NEB: variants seen among roughly 807,000 people sequenced by gnomAD.
NEB encodes the protein nemaline myopathy type 2.
In NEB, 512 loss-of-function variants were observed where a neutral mutation model predicts 952.2. That is an observed-to-expected ratio of 0.54 (90% CI 0.50 to 0.58). The LOEUF (loss-of-function observed/expected upper bound fraction) is 0.58, where lower values mean the gene tolerates loss of function less well. NEB is among the 20% of genes least tolerant of loss of function. NEB has a pLI of 0.00. For synonymous variants in NEB, 2,900 were observed against 3,149.8 expected, an observed-to-expected ratio of 0.92 and a Z score of 2.66; for missense variants, 8,428 against 9,231.1, an observed-to-expected ratio of 0.91 and a Z score of 3.56.
In NEB at chr2:151,662,115, T is replaced by C. The variant is rs776594566; in HGVS notation, c.5970+20A>G. The C allele has an allele frequency of 1.3e-5, 20 of 1,591,360 alleles. No homozygotes were observed. In the Admixed American group the frequency reaches 1.7e-4, roughly 13 times the overall value. On this transcript the variant is annotated intron_variant, in intron 46 of 181. Transcript: ENST00000397345. ...ATTCTCTCTGATGCATATGAAACAC[T>C]GCATTATTGAAAGACTTACTTCGTT...
At chr2:151,664,318 C>T (rs891864651) in intron 44 of NEB, among the ~76,000 whole-genome samples, 183 bp downstream of exon 44, 2 of 152,212 alleles carry the variant, frequency 1.3e-5, no homozygotes, top group Non-Finnish European at 1.5e-5. Context: ...TCACTACTTA[C>T]ATTAAATAAT....
chr2:151,563,982 A>ACCAC, intron 117 of NEB, 52 bp from the exon 118 acceptor site: 1 of 1,313,672 alleles, frequency 7.6e-7, no homozygotes, highest in African/African-American at 1.5e-5. Flanking sequence ...CTTCTTTCAG[A>ACCAC]TACCACTAAA....
chr2:151,641,182 T>C (rs2098842096), intron 60 of NEB, among the ~76,000 whole-genome samples: 2 of 152,246 alleles, frequency 1.3e-5, no homozygotes. Context: ...GATGTAATTC[T>C]GCCACTAAAA....
At chr2:151,576,518 T>TA (rs2096865322) in intron 105 of NEB, among the ~76,000 whole-genome samples, 164 bp from the exon 106 acceptor site, 15 of 18,178 alleles carry the variant, frequency 8.3e-4, no homozygotes, top group Non-Finnish European at 1.1e-3. Context: ...ATATATATAT[T>TA]TTTTTTTTTT....
intron 128 of NEB, among the ~76,000 whole-genome samples, chr2:151,552,424 G>A (rs958804939): frequency 6.6e-6 from 1 of 152,250 alleles, no homozygotes; most frequent in South Asian, 2.1e-4. Flanking sequence ...AAACACGTTG[G>A]AAGTGCTAAG....
Position 151,614,336 on chromosome 2 carries a change from G to A in NEB, c.11541C>T (p.Thr3847=), listed in dbSNP as rs758901873. The A allele has an allele frequency of 1.6e-5, 26 of 1,613,910 alleles. No homozygotes were observed. The Admixed American group carries it at 4.0e-4, about 25-fold the overall frequency. ...IDYKHPLHEW[T]CLPDQNDVIQ... ...TGACGTCATTCTGATCAGGCAGGCA[G>A]GTCCATTCATGCAGGGGATGCTTGT... The change falls in exon 77 of 182, where the codon ACC becomes ACT. Residue 3847 remains threonine (T), a synonymous_variant. Transcript: ENST00000397345.
intron 153 of NEB, among the ~76,000 whole-genome samples, chr2:151,521,313 G>A (rs150601326): frequency 9.8e-4 from 149 of 152,312 alleles, no homozygotes; most frequent in African/African-American, 3.5e-3. Context: ...GAACAGTTCA[G>A]CATGATGCAG....
chr2:151,695,440 G>T, intron 18 of NEB, 138 bp downstream of exon 18: 1 of 677,086 alleles, frequency 1.5e-6, no homozygotes, highest in Non-Finnish European at 2.6e-6. Context: ...ACTGGCAGAG[G>T]CATAGCAACA....
intron 67 of NEB, 22 bp from the exon 68 acceptor site, chr2:151,629,668 G>A (rs2098617976): frequency 1.3e-6 from 2 of 1,591,076 alleles, no homozygotes; most frequent in Non-Finnish European, 8.6e-7. Context: ...AAGGCAAAGA[G>A]TTAAAGCAAA....
Position 151,614,422 on chromosome 2 carries a change from C to G in NEB, c.11455G>C (p.Val3819Leu). The G allele has an allele frequency of 6.2e-7, 1 of 1,613,920 alleles. No homozygotes were observed. Among genetic ancestry groups the G allele is most frequent in the Non-Finnish European group, 8.5e-7 (1 of 1,179,860 alleles). Residue 3819 changes from valine to leucine, a missense_variant, in exon 77 of 182, where the codon GTG becomes CTG. By Grantham distance (32) the Val-to-Leu change is conservative. Around this residue, in one of 11 missense-constraint regions of NEB, gnomAD observed 1,772 missense variants for 1,960.3 expected, o/e 0.90. Transcript: ENST00000397345. ...EKWKTKFSSP[V>L]DMLGVVLAKK... ...GCCAGCACCACCCCCAGCATGTCCA[C>G]TGGGCTGCTGAACTTGGTCTTCCAC...
chr2:151,619,398 G>C, intron 73 of NEB, 53 bp downstream of exon 73: 3 of 1,508,116 alleles, frequency 2.0e-6, no homozygotes, highest in Non-Finnish European at 2.7e-6. Flanking sequence ...AGAACTCACA[G>C]ACACGTTTCA....
chr2:151,679,226 A>C (rs2148562180), intron 32 of NEB, among the ~76,000 whole-genome samples: 1 of 152,362 alleles, frequency 6.6e-6, no homozygotes, highest in Middle Eastern at 3.4e-3. Context: ...ATCTTGGTTA[A>C]AGATAAATAG....
chr2:151,514,281 G>A (rs372680599), intron 159 of NEB, 37 bp downstream of exon 159: 3 of 1,394,966 alleles, frequency 2.2e-6, no homozygotes, highest in Non-Finnish European at 3.1e-6. Context: ...AAATGATGCT[G>A]TATGAATTAC....
intron 23 of NEB, among the ~76,000 whole-genome samples, chr2:151,691,241 C>T (rs930340496): frequency 6.6e-6 from 1 of 152,130 alleles, no homozygotes; most frequent in African/African-American, 2.4e-5. Flanking sequence ...TCCTTAAATG[C>T]TGAGCTTGTT....
At chr2:151,632,141 A>T (rs954578705) in intron 65 of NEB, among the ~76,000 whole-genome samples, 5 of 151,810 alleles carry the variant, frequency 3.3e-5, no homozygotes, top group African/African-American at 9.7e-5. Flanking sequence ...ATATTGCCAT[A>T]TTTTTCTCAC....
chr2:151,574,656 T>A (rs947579576), intron 107 of NEB, among the ~76,000 whole-genome samples: 5 of 152,192 alleles, frequency 3.3e-5, no homozygotes, highest in African/African-American at 1.2e-4. Flanking sequence ...CTTATCATTT[T>A]AATGTAATGC....
In NEB at chr2:151,678,202, G is replaced by A. The variant is rs765679622; in HGVS notation, c.3256-15C>T. The A allele has an allele frequency of 2.0e-6, 3 of 1,521,146 alleles. No individual in the cohort carries two copies. The highest frequency in any genetic ancestry group is 1.4e-5 in the African/African-American group (1 of 72,012). The allele number at this position is 1,521,146 out of a possible 1,614,324, so 94.2% of individuals were successfully genotyped here. On this transcript the variant is annotated splice_polypyrimidine_tract_variant and intron_variant, in intron 32 of 181. Coordinates refer to ENST00000397345, the MANE Select transcript of NEB (RefSeq NM_001164508.2). ...TTGTACTGAACCTATTGTAAACAAA[G>A]GTGGGCATAATTTAAAATGTAGTTT...
intron 110 of NEB, 64 bp downstream of exon 110, chr2:151,569,204 A>G (rs2096542022): frequency 7.8e-7 from 1 of 1,290,162 alleles, no homozygotes; most frequent in Non-Finnish European, 1.1e-6. Flanking sequence ...ACTATATTTT[A>G]GCTTGTGCAT....
intron 17 of NEB, 72 bp from the exon 18 acceptor site, chr2:151,695,754 T>C (rs2099591581): frequency 2.5e-6 from 3 of 1,178,316 alleles, no homozygotes; most frequent in African/African-American, 1.5e-5. Context: ...GTGGTACATT[T>C]TGTAAAGTTA....
Sources: gnomAD v4.1 joint callset for allele counts (sites outside exome capture counted in the v4.1 genomes callset) on GRCh38, gnomAD v4.1.1 for gene constraint, gnomAD v4.1.1 regional missense constraint, MANE v1.5 for transcripts, NCBI Gene and HGNC (gene_info 2026-07-23, HGNC 2026-07-21) for gene names.